The following KAZN variants were observed in gnomAD, a reference collection of about 807,000 sequenced individuals.
The protein encoded by KAZN is kazrin.
Under a neutral mutation model 87.4 loss-of-function variants are expected in KAZN, and 40 were observed. The observed-to-expected ratio is 0.46, with a 90% CI of 0.36 to 0.60. KAZN has a LOEUF of 0.60. Ranked by LOEUF, KAZN falls within the 20% of genes least tolerant of loss-of-function variation. KAZN has a pLI of 0.00. For missense variants in KAZN, 898 were observed against 1,073.9 expected (o/e 0.84, Z 2.29); for synonymous variants, 466 against 458.3 (o/e 1.02, Z -0.22).
intron 2 of KAZN, among the ~76,000 whole-genome samples, chr1:14,209,349 A>G (rs1438723992): frequency 3.3e-5 from 5 of 152,192 alleles, no homozygotes; most frequent in Non-Finnish European, 1.5e-5. Flanking sequence ...CTGGCCCAAG[A>G]GGCCTGGAGG....
chr1:14,770,555 G>C (rs1432895543), intron 1 of KAZN, among the ~76,000 whole-genome samples: 3 of 152,126 alleles, frequency 2.0e-5, no homozygotes, highest in African/African-American at 4.8e-5. Flanking sequence ...TGAGCCATCA[G>C]TTAGACTATG....
chr1:14,671,868 C>T (rs765777599), intron 1 of KAZN, among the ~76,000 whole-genome samples: 6 of 152,104 alleles, frequency 3.9e-5, no homozygotes, highest in Non-Finnish European at 7.4e-5. Flanking sequence ...CTAGAGTGAG[C>T]GGAGGAGTGT....
intron 2 of KAZN, among the ~76,000 whole-genome samples, chr1:14,419,031 T>A (rs975263110): frequency 6.6e-6 from 1 of 152,184 alleles, no homozygotes; most frequent in Admixed American, 6.5e-5. Flanking sequence ...AATAAGCACA[T>A]GGAAAAATAC....
chr1:14,897,554 C>A (rs1557599622), intron 1 of KAZN, among the ~76,000 whole-genome samples: 1 of 151,882 alleles, frequency 6.6e-6, no homozygotes, highest in Non-Finnish European at 1.5e-5. Flanking sequence ...TTTAAAATAA[C>A]AATAGTAAGC....
At chr1:13,967,004 C>A (rs1310847281) in intron 1 of KAZN, among the ~76,000 whole-genome samples, 1 of 152,074 alleles carries the variant, frequency 6.6e-6, no homozygotes, top group Non-Finnish European at 1.5e-5. Context: ...CTGGTCCCAC[C>A]CCACCCCTCA....
intron 1 of KAZN, among the ~76,000 whole-genome samples, chr1:14,005,243 C>T (rs932363340): frequency 6.6e-6 from 1 of 152,100 alleles, no homozygotes; most frequent in African/African-American, 2.4e-5. Flanking sequence ...TTAGGTGGTT[C>T]TTGCAAGAGT....
At chr1:14,747,714 T>TTA (rs1644300370) in intron 1 of KAZN, among the ~76,000 whole-genome samples, 1 of 152,218 alleles carries the variant, frequency 6.6e-6, no homozygotes, top group Admixed American at 6.5e-5. Flanking sequence ...ATTCTTTTGG[T>TTA]TATATACTCA....
chr1:14,994,520 G>A (rs187294956), intron 2 of KAZN, among the ~76,000 whole-genome samples: 3 of 152,390 alleles, frequency 2.0e-5, no homozygotes, highest in East Asian at 3.9e-4. Flanking sequence ...GCATTTCTCA[G>A]TGACTCCGGG....
At chr1:15,087,012 A>G (rs1035153328) in intron 8 of KAZN, among the ~76,000 whole-genome samples, 11 of 152,366 alleles carry the variant, frequency 7.2e-5, no homozygotes, top group African/African-American at 2.4e-4. Flanking sequence ...TGCTGATGCT[A>G]CTAGTCCAGG....
At chr1:14,016,365 G>A (rs965075665) in intron 1 of KAZN, among the ~76,000 whole-genome samples, 5 of 152,106 alleles carry the variant, frequency 3.3e-5, no homozygotes, top group South Asian at 2.1e-4. Flanking sequence ...CTTACAAAGC[G>A]TATTCATAAA....
intron 13 of KAZN, among the ~76,000 whole-genome samples, 199 bp downstream of exon 13, chr1:15,104,388 A>C (rs1291593144): frequency 6.6e-6 from 1 of 152,204 alleles, no homozygotes; most frequent in Non-Finnish European, 1.5e-5. Context: ...AAGGTCATAG[A>C]CTAGAAAGAC....
At chr1:15,082,788 G>T (rs112572602) in intron 8 of KAZN, among the ~76,000 whole-genome samples, 3 of 152,194 alleles carry the variant, frequency 2.0e-5, no homozygotes, top group Non-Finnish European at 2.9e-5. Flanking sequence ...CACCTCCCAG[G>T]TTCAAGCGAT....
intron 2 of KAZN, among the ~76,000 whole-genome samples, chr1:14,330,195 G>T (rs1344607686): frequency 2.0e-5 from 3 of 152,214 alleles, no homozygotes; most frequent in Admixed American, 6.5e-5. Context: ...TTTTGTTGGG[G>T]TTTTTTTGCC....
intron 1 of KAZN, among the ~76,000 whole-genome samples, chr1:13,994,871 TAAAC>T (rs3031975): frequency 0.76 from 113,768 of 150,516 alleles, 43,391 homozygotes; most frequent in African/African-American, 0.81. Flanking sequence ...TGCAGCATGC[TAAAC>T]AAACAAACAA....
At chr1:14,404,802 T>C (rs1663696802) in intron 2 of KAZN, among the ~76,000 whole-genome samples, 1 of 152,240 alleles carries the variant, frequency 6.6e-6, no homozygotes, top group African/African-American at 2.4e-5. Flanking sequence ...ACATATATTG[T>C]CATTGACATG....
At chr1:14,965,008 T>C (rs1298457089) in intron 2 of KAZN, among the ~76,000 whole-genome samples, 1 of 152,124 alleles carries the variant, frequency 6.6e-6, no homozygotes, top group Non-Finnish European at 1.5e-5. Context: ...CCTGAATGAT[T>C]GTTTAAGACA....
rs1276279391 is a variant in KAZN at position 14,885,222 on chromosome 1, T to C, written c.227-75462T>C. Among the ~76,000 whole-genome samples the C allele has an allele frequency of 7.9e-5, 12 of 152,290 alleles. No homozygotes were observed. In the East Asian group the frequency reaches 2.1e-3, roughly 27 times the overall value. On this transcript the variant is annotated intron_variant, in intron 1 of 14. Coordinates refer to ENST00000376030, the MANE Select transcript of KAZN (RefSeq NM_201628.3). ...GCTTGTATTAACCAGGAGTCCAGCC[T>C]GGGGAAGGTGGCTCGCCCCCATCCT...
chr1:15,025,974 G>A (rs990936537), intron 2 of KAZN, among the ~76,000 whole-genome samples: 5 of 152,078 alleles, frequency 3.3e-5, no homozygotes, highest in African/African-American at 1.2e-4. Flanking sequence ...TTATAAAGCA[G>A]GTTAAACTTT....
chr1:15,085,932 C>G (rs1393814913), intron 8 of KAZN, among the ~76,000 whole-genome samples: 1 of 152,182 alleles, frequency 6.6e-6, no homozygotes, highest in East Asian at 1.9e-4. Flanking sequence ...ATATCCACAT[C>G]TAGCCACATT....
Sources: allele counts gnomAD v4.1 joint callset (sites outside exome capture counted in the v4.1 genomes callset), GRCh38; gene constraint gnomAD v4.1.1; transcripts MANE v1.5; gene names NCBI Gene and HGNC (gene_info 2026-07-23, HGNC 2026-07-21).